Variants in TNFAIP8 observed in about 807,000 individuals in gnomAD.
The protein encoded by TNFAIP8 is tumor necrosis factor alpha-induced protein 8.
TNFAIP8 carries 7 observed loss-of-function variants against 13.3 expected under a neutral mutation model. The ratio of observed to expected loss-of-function variants is 0.52; its 90% CI spans 0.30 to 0.99. TNFAIP8 has a LOEUF of 0.99. TNFAIP8 is among the 50% of genes least tolerant of loss of function. The pLI is 0.07. For missense variants in TNFAIP8, 258 were observed against 236.9 expected (o/e 1.09, Z -0.58); for synonymous variants, 94 against 87.6 (o/e 1.07, Z -0.41).
intron 1 of TNFAIP8, among the ~76,000 whole-genome samples, chr5:119,382,226 C>T (rs1752514187): frequency 6.6e-6 from 1 of 152,194 alleles, no homozygotes; most frequent in Non-Finnish European, 1.5e-5. Context: ...CCCTCTATCA[C>T]CCCATCAGCA....
intron 1 of TNFAIP8, among the ~76,000 whole-genome samples, chr5:119,278,539 C>T (rs1748530886): frequency 6.6e-6 from 1 of 151,994 alleles, no homozygotes; most frequent in Non-Finnish European, 1.5e-5. Context: ...AACTGAGTCA[C>T]AGCCTTAAGG....
chr5:119,322,358 A>ACCTTGGCATTTCATCACTTCTGTGGC (rs556114700), intron 1 of TNFAIP8, among the ~76,000 whole-genome samples: 132 of 152,302 alleles, frequency 8.7e-4, no homozygotes, highest in African/African-American at 2.9e-3. Flanking sequence ...TGGTCCCAGG[A>ACCTTGGCATTTCATCACTTCTGTGGC]CCTTGGCCCC....
At chr5:119,364,847 T>G in intron 1 of TNFAIP8, among the ~76,000 whole-genome samples, 1 of 129,322 alleles carries the variant, frequency 7.7e-6, no homozygotes, top group South Asian at 2.7e-4. Context: ...TTCAGTTTTT[T>G]TTTTTTTTTT....
chr5:119,273,798 C>G (rs547622642), intron 1 of TNFAIP8, among the ~76,000 whole-genome samples: 1 of 152,152 alleles, frequency 6.6e-6, no homozygotes, highest in African/African-American at 2.4e-5. Context: ...GGGACCGCAT[C>G]TGCAGGATTA....
chr5:119,281,261 G>A (rs192279763), intron 1 of TNFAIP8, among the ~76,000 whole-genome samples: 63 of 56,194 alleles, frequency 1.1e-3, no homozygotes, highest in African/African-American at 2.6e-3. Flanking sequence ...GCCTTTCCTC[G>A]GTCAGAGCTG....
At chr5:119,379,652 G>A (rs769754914) in intron 1 of TNFAIP8, among the ~76,000 whole-genome samples, 67 of 152,046 alleles carry the variant, frequency 4.4e-4, no homozygotes, top group Non-Finnish European at 8.2e-4. Context: ...GTGGAGTGGC[G>A]TGATCTGAGT....
chr5:119,311,427 C>A (rs1266615313), intron 1 of TNFAIP8, among the ~76,000 whole-genome samples: 2 of 151,866 alleles, frequency 1.3e-5, no homozygotes, highest in Non-Finnish European at 2.9e-5. Context: ...CGTGGTGGCT[C>A]ACACCTGTAA....
At chr5:119,391,668 A>T (rs1350506362) in intron 1 of TNFAIP8, among the ~76,000 whole-genome samples, 2 of 151,692 alleles carry the variant, frequency 1.3e-5, no homozygotes, top group Non-Finnish European at 2.9e-5. Context: ...CTGAGTTGTG[A>T]GAATCACTTG....
intron 1 of TNFAIP8, among the ~76,000 whole-genome samples, chr5:119,321,399 A>G (rs1750050870): frequency 7.5e-6 from 1 of 132,896 alleles, no homozygotes; most frequent in African/African-American, 3.2e-5. Context: ...CTGGAGGATA[A>G]ATACAATACT....
In TNFAIP8 at chr5:119,393,515, C is replaced by T; in HGVS notation, c.*134C>T. On this transcript the variant is annotated 3_prime_UTR_variant, in exon 2 of 2. Coordinates refer to ENST00000504771, the MANE Select transcript of TNFAIP8 (RefSeq NM_014350.4). ...GACTTTACCCAATTCAGTTGTCAGA[C>T]ATAATGATTTATTTGAAGGCTTGTT... 2 of 937,242 alleles carry T rather than the reference C, an allele frequency of 2.1e-6. No homozygotes were observed. The highest frequency in any genetic ancestry group is 3.6e-5 in the South Asian group (2 of 55,692). 58.1% of individuals were successfully genotyped at this position (937,242 alleles called of 1,614,324 possible). A position where few individuals can be genotyped will look rare whatever the true frequency, so the allele number is the denominator to read the frequency against.
intron 1 of TNFAIP8, among the ~76,000 whole-genome samples, chr5:119,383,413 A>G (rs1342673786): frequency 6.6e-6 from 1 of 152,208 alleles, no homozygotes; most frequent in Admixed American, 6.5e-5. Flanking sequence ...ACCATTAAAT[A>G]AAGACCTACT....
At chr5:119,344,079 T>C (rs1186530086) in intron 1 of TNFAIP8, among the ~76,000 whole-genome samples, 1 of 152,246 alleles carries the variant, frequency 6.6e-6, no homozygotes, top group African/African-American at 2.4e-5. Context: ...GTACTTCAGC[T>C]GGTGTATTAG....
At chr5:119,282,193 T>C (rs1443209725) in intron 1 of TNFAIP8, among the ~76,000 whole-genome samples, 1 of 152,214 alleles carries the variant, frequency 6.6e-6, no homozygotes, top group Admixed American at 6.5e-5. Context: ...CCAAATAATC[T>C]CTTTCTGCTC....
intron 1 of TNFAIP8, among the ~76,000 whole-genome samples, chr5:119,282,176 C>T (rs1748651587): frequency 6.6e-6 from 1 of 152,158 alleles, no homozygotes; most frequent in African/African-American, 2.4e-5. Context: ...CTTGGTCAAC[C>T]CTGTTCCCAA....
intron 1 of TNFAIP8, among the ~76,000 whole-genome samples, chr5:119,337,994 G>C (rs2112720500): frequency 6.6e-6 from 1 of 152,272 alleles, no homozygotes; most frequent in Non-Finnish European, 1.5e-5. Flanking sequence ...TAATAGGCCA[G>C]GGCTTTCCGC....
chr5:119,346,429 C>T lies in TNFAIP8; in HGVS notation c.2-46387C>T, dbSNP rs141759226. Among the ~76,000 whole-genome samples, 490 of 152,302 alleles carry T rather than the reference C, an allele frequency of 3.2e-3. 2 individuals are homozygous for T. Among genetic ancestry groups the T allele is most frequent in the African/African-American group, 0.011 (469 of 41,548 alleles). ...TCTACAGTACTCTCCACTGATGAAG[C>T]TTAGAATGGTACCAGCTAACAAAAG... is the stretch of plus-strand genomic sequence containing the variant. On this transcript the variant is annotated intron_variant, in intron 1 of 1. Coordinates refer to the TNFAIP8 transcript ENST00000274456.
chr5:119,355,793 G>A, upstream of TNFAIP8: 2 of 510,724 alleles, frequency 3.9e-6, no homozygotes, highest in Non-Finnish European at 5.3e-6. Context: ...CCCCACCTGC[G>A]TGCGCCCGGG....
intron 1 of TNFAIP8, among the ~76,000 whole-genome samples, chr5:119,305,437 A>G (rs957288851): frequency 1.3e-5 from 2 of 152,166 alleles, no homozygotes; most frequent in Non-Finnish European, 2.9e-5. Context: ...CTAATTTTAA[A>G]GGTCATTTGG....
At chr5:119,274,363 G>A (rs1748379083) in intron 1 of TNFAIP8, among the ~76,000 whole-genome samples, 1 of 152,212 alleles carries the variant, frequency 6.6e-6, no homozygotes. Flanking sequence ...TCTTTAAAGG[G>A]TTGAGATTGT....
Sources: gnomAD v4.1 joint callset for allele counts (sites outside exome capture counted in the v4.1 genomes callset) on GRCh38, gnomAD v4.1.1 for gene constraint, MANE v1.5 for transcripts, NCBI Gene and HGNC (gene_info 2026-07-23, HGNC 2026-07-21) for gene names.